Variants in ZP2 observed in about 807,000 individuals in gnomAD.
ZP2 encodes zona pellucida sperm-binding protein 2.
In ZP2, 51 loss-of-function variants were observed where a neutral mutation model predicts 84.0. That is an observed-to-expected ratio of 0.61 (90% confidence interval 0.49 to 0.77). The LOEUF (loss-of-function observed/expected upper bound fraction) is 0.77. Among genes scored for constraint, ZP2 ranks in the 30% least tolerant of loss-of-function variants. ZP2 has a pLI of 0.00. For synonymous variants in ZP2, 375 were observed against 330.9 expected, an observed-to-expected ratio of 1.13 and a Z score of -1.45; for missense variants, 909 against 911.9, an observed-to-expected ratio of 1.00 and a Z score of 0.04.
chr16:21,211,663 AT>A, upstream of ZP2: 1 of 1,588,200 alleles, frequency 6.3e-7, no homozygotes, highest in Non-Finnish European at 8.5e-7. Context: ...ATCTTGTCCC[AT>A]TCTCCCAGCT....
chr16:21,201,381 ACGTTC>A lies in ZP2; in HGVS notation c.1677_1681del (p.Trp559CysfsTer9). 6.3e-7 allele frequency: 1 copy of A among 1,578,854 alleles called. No individual in the cohort carries two copies. Among genetic ancestry groups the A allele is most frequent in the South Asian group, 1.2e-5 (1 of 84,924 alleles). On this transcript the variant is annotated frameshift_variant, in exon 14 of 19. Coordinates refer to ENST00000574091, the MANE Select transcript of ZP2 (RefSeq NM_001376232.1). LOFTEE classifies it high-confidence loss of function. ...AGGGAGTACCTACCCATCCACGACA[ACGTTC>A]CACTGGGGGAAAGAGTCTGGATCCA...
chr16:21,209,324 C>T (rs1207975789), intron 4 of ZP2, among the ~76,000 whole-genome samples: 2 of 152,150 alleles, frequency 1.3e-5, no homozygotes, highest in African/African-American at 2.4e-5. Context: ...TGTGCTACCA[C>T]ACCCAGCTAG....
At chr16:21,203,903 G>T in intron 9 of ZP2, 127 bp downstream of exon 9, 1 of 956,598 alleles carries the variant, frequency 1.0e-6, no homozygotes, top group Non-Finnish European at 1.6e-6. Flanking sequence ...GAGGCCTTTT[G>T]GAGTTTGAAT....
Position 21,208,286 on chromosome 16 carries a change from C to T in ZP2, c.331-1296G>A, listed in dbSNP as rs147253479. On this transcript the variant is annotated intron_variant, in intron 4 of 18. Coordinates refer to ENST00000574091, the MANE Select transcript of ZP2 (RefSeq NM_001376232.1). ...TGCAGACCCTTAGTCTAAGGGAATGCGACTCCAAGACCTCTAATGTTGAGA... is the reference window on the plus strand; with the variant it reads ...TGCAGACCCTTAGTCTAAGGGAATGTGACTCCAAGACCTCTAATGTTGAGA... 3.2e-3 allele frequency among the ~76,000 whole-genome samples: 491 copies of T among 152,214 alleles called. 1 individual carries two copies. The highest frequency in any genetic ancestry group is 0.01 in the African/African-American group (420 of 41,528).
chr16:21,204,184 A>ATG lies in ZP2; in HGVS notation c.816_817dup (p.Met273ThrfsTer2). 6.2e-7 allele frequency: 1 copy of ATG among 1,614,186 alleles called. No individual in the cohort carries two copies. Among genetic ancestry groups the ATG allele is most frequent in the Non-Finnish European group, 8.5e-7 (1 of 1,180,030 alleles). On this transcript the variant is annotated frameshift_variant, in exon 9 of 19. Coordinates refer to ENST00000574091, the MANE Select transcript of ZP2 (RefSeq NM_001376232.1). LOFTEE classifies it high-confidence loss of function. ...AGGAAACTCTGGTATGGTGAGAGTC[A>ATG]TGTGTGTGGCATTGCAGGTCACAGG...
intron 2 of ZP2, among the ~76,000 whole-genome samples, chr16:21,210,801 C>T (rs1489803547): frequency 6.6e-6 from 1 of 152,008 alleles, no homozygotes; most frequent in African/African-American, 2.4e-5. Context: ...TCTCAAACTC[C>T]TGAGCTCAGG....
In ZP2 at chr16:21,199,898, G is replaced by A. The variant is rs376342045; in HGVS notation, c.1695-20C>T. The A allele has an allele frequency of 2.5e-6, 4 of 1,611,772 alleles. No homozygotes were observed. Among genetic ancestry groups the A allele is most frequent in the Non-Finnish European group, 3.4e-6 (4 of 1,179,846 alleles). On this transcript the variant is annotated intron_variant, in intron 14 of 18. Transcript: ENST00000574091. ...GCACAGCTAGGAGGTATGCACCAGG[G>A]AGGGATGTCAGTCATATGCATCTTG...
intron 4 of ZP2, among the ~76,000 whole-genome samples, chr16:21,207,821 A>T (rs776333829): frequency 1.3e-5 from 2 of 152,094 alleles, no homozygotes; most frequent in Non-Finnish European, 2.9e-5. Flanking sequence ...ATGCCACTGC[A>T]TGCCAGCCTG....
rs779693174 is a variant in ZP2, at chr16:21,203,178, G to A, written c.1046C>T (p.Thr349Ile). ...LKLTFLLRPE[T>I]VSMVIYPECL... Reference sequence around the variant, plus strand: ...CTCAGGATAGATCACCATGGATACTGTCTCTGGCCGAAGGAGAAAGGTCAG... The same window carrying A: ...CTCAGGATAGATCACCATGGATACTATCTCTGGCCGAAGGAGAAAGGTCAG... Residue 349 changes from threonine to isoleucine, a missense_variant, in exon 10 of 19, where the codon ACA becomes ATA. Physicochemically the swap from Thr to Ile is moderately conservative, Grantham distance 89. Transcript: ENST00000574091. 11 of 1,613,986 alleles carry A rather than the reference G, an allele frequency of 6.8e-6. No homozygotes were observed. Among genetic ancestry groups the A allele is most frequent in the Non-Finnish European group, 9.3e-6 (11 of 1,179,928 alleles).
In ZP2 at chr16:21,197,689, A is replaced by C. The variant is rs1467405014; in HGVS notation, c.2096-67T>G. On this transcript the variant is annotated intron_variant, in intron 18 of 18. Transcript: ENST00000574091. ...TAAGGGTAAGTGGAAGCCTTACATAAGGCTCCCCAGAGAAGGGGGTAAAAC... is the reference window on the plus strand; with the variant it reads ...TAAGGGTAAGTGGAAGCCTTACATACGGCTCCCCAGAGAAGGGGGTAAAAC... 5.2e-5 allele frequency: 84 copies of C among 1,612,352 alleles called. 2 individuals carry two copies. Among genetic ancestry groups the C allele is most frequent in the Non-Finnish European group, 1.2e-5 (14 of 1,178,722 alleles).
In ZP2 at chr16:21,204,226, A is replaced by C. The variant is rs560165048; in HGVS notation, c.791-15T>G. ...GGTCACAGGATCTAGAAGGAATGAC[A>C]ACAGAATGCCCATTACCAGCCTTGA... On this transcript the variant is annotated splice_polypyrimidine_tract_variant and intron_variant, in intron 8 of 18. Transcript: ENST00000574091. 167 of 1,614,096 alleles carry C rather than the reference A, an allele frequency of 1.0e-4. No homozygotes were observed. In the South Asian group the frequency reaches 1.7e-3, roughly 16 times the overall value.
intron 16 of ZP2, 50 bp downstream of exon 16, chr16:21,199,520 G>T: frequency 6.9e-7 from 1 of 1,448,652 alleles, no homozygotes; most frequent in Non-Finnish European, 9.3e-7. Flanking sequence ...CTAAAAAGTT[G>T]ATACTTGCTT....
At chr16:21,203,528 A>T (rs980145334) in intron 9 of ZP2, among the ~76,000 whole-genome samples, 1 of 152,240 alleles carries the variant, frequency 6.6e-6, no homozygotes, top group Non-Finnish European at 1.5e-5. Flanking sequence ...TCCAAAGAAT[A>T]GTGGAATCCT....
At chr16:21,206,725 G>T (rs575584516) in intron 5 of ZP2, 113 bp downstream of exon 5, 310 of 1,370,412 alleles carry the variant, frequency 2.3e-4, no homozygotes, top group Non-Finnish European at 2.9e-4. Context: ...CAGAAAATTA[G>T]CAAGTACAGG....
Position 21,202,166 on chromosome 16 carries a change from C to T in ZP2, c.1225G>A (p.Ala409Thr). The T allele has an allele frequency of 1.2e-5, 19 of 1,603,246 alleles. No individual in the cohort carries two copies. Among genetic ancestry groups the T allele is most frequent in the Non-Finnish European group, 1.6e-5 (19 of 1,177,592 alleles). ...AACCGTACCAGCCCCTGAGACTGAG[C>T]CTCAAAGACAGGCTGGCAGGATGAG... ...GNSSCQPVFE[A>T]QSQGLVRFHI... Residue 409 changes from alanine (A) to threonine (T), a missense_variant, in exon 11 of 19, where the codon GCT (alanine) becomes ACT (threonine). Transcript: ENST00000574091.
At chr16:21,210,082 T>C (rs1408685659) in intron 3 of ZP2, 27 bp downstream of exon 3, 1 of 1,601,872 alleles carries the variant, frequency 6.2e-7, no homozygotes. Flanking sequence ...TAATCAGGAC[T>C]ATGAGGAGAT....
At position 21,211,555 on chromosome 16, in the gene ZP2, G is replaced by A. The variant is rs1458108102; in HGVS notation, c.-8C>T. 4 of 1,614,104 alleles carry A rather than the reference G, an allele frequency of 2.5e-6. No individual in the cohort carries two copies. Among genetic ancestry groups the A allele is most frequent in the Admixed American group, 1.7e-5 (1 of 60,004 alleles). On this transcript the variant is annotated 5_prime_UTR_variant, in exon 1 of 19. Transcript: ENST00000574091. ...TCTCTGCCTGCACGCCATAGCAGAA[G>A]ACACTACCAGATCAACCAGGTAGAG...
chr16:21,212,006 C>A (rs925746707), upstream of ZP2, among the ~76,000 whole-genome samples: 1 of 151,540 alleles, frequency 6.6e-6, no homozygotes, highest in Non-Finnish European at 1.5e-5. Context: ...CGGCTCACTG[C>A]AACCTCTGCC....
intron 16 of ZP2, 71 bp from the exon 17 acceptor site, chr16:21,198,933 TTAGAAG>T: frequency 1.5e-6 from 2 of 1,340,654 alleles, no homozygotes; most frequent in Non-Finnish European, 2.1e-6. Flanking sequence ...AATGGAATGC[TTAGAAG>T]TAGAAGCTCT....
Sources: allele counts gnomAD v4.1 joint callset (sites outside exome capture counted in the v4.1 genomes callset), GRCh38; gene constraint gnomAD v4.1.1; transcripts MANE v1.5; gene names NCBI Gene and HGNC (gene_info 2026-07-23, HGNC 2026-07-21).